The following GRID1 variants were observed in gnomAD, a reference collection of about 807,000 sequenced individuals.
The protein encoded by GRID1 is glutamate ionotropic receptor delta type subunit 1, also known as glutamate receptor ionotropic, delta-1.
A neutral mutation model predicts 98.0 loss-of-function variants in GRID1; 28 were observed. That is an observed-to-expected ratio of 0.29 (90% CI 0.21 to 0.39). GRID1 has a LOEUF of 0.39. Ranked by LOEUF, GRID1 falls within the 10% of genes least tolerant of loss-of-function variation. The probability of loss-of-function intolerance (pLI) is 1.00; values close to 1 mark genes in which losing one functional copy is unlikely to be tolerated. For synonymous variants in GRID1, 553 were observed against 538.5 expected (o/e 1.03, Z -0.37); for missense variants, 1,111 against 1,340.5 (o/e 0.83, Z 2.67).
Position 85,990,522 on chromosome 10 carries a change from C to T in GRID1, c.727-74283G>A, listed in dbSNP as rs1013477492. ...AACATAGAAAACAAATCATGAGAGA[C>T]GACAGCCTTTCAACCGAGGTGCCCT... On this transcript the variant is annotated intron_variant, in intron 4 of 15. Transcript: ENST00000327946. Among the ~76,000 whole-genome samples, 14 of 152,198 alleles carry T rather than the reference C, an allele frequency of 9.2e-5. No homozygotes were observed. The South Asian group carries it at 1.0e-3, about 11-fold the overall frequency.
intron 12 of GRID1, among the ~76,000 whole-genome samples, chr10:85,686,206 T>A (rs940852505): frequency 2.6e-4 from 39 of 151,426 alleles, no homozygotes; most frequent in Non-Finnish European, 4.1e-4. Flanking sequence ...CCAGAAGGAG[T>A]CTCAGTTACA....
chr10:85,856,595 A>C (rs1261489809), intron 6 of GRID1, among the ~76,000 whole-genome samples: 1 of 152,216 alleles, frequency 6.6e-6, no homozygotes, highest in Non-Finnish European at 1.5e-5. Context: ...GTGTCAAGAG[A>C]CAGGGCCAGG....
intron 4 of GRID1, among the ~76,000 whole-genome samples, chr10:86,052,105 T>G (rs1469080243): frequency 2.0e-5 from 3 of 152,130 alleles, no homozygotes; most frequent in African/African-American, 7.2e-5. Context: ...ACTGTGCACC[T>G]GAGAAAAATA....
intron 12 of GRID1, among the ~76,000 whole-genome samples, chr10:85,671,335 C>A (rs1841082635): frequency 6.6e-6 from 1 of 152,212 alleles, no homozygotes; most frequent in Admixed American, 6.5e-5. Context: ...CTTCATGTCT[C>A]CATCACATTT....
intron 4 of GRID1, among the ~76,000 whole-genome samples, chr10:86,045,713 C>T (rs1405171340): frequency 6.6e-6 from 1 of 152,140 alleles, no homozygotes; most frequent in African/African-American, 2.4e-5. Flanking sequence ...ATACTCCATC[C>T]AGCAAATCTT....
At chr10:85,778,833 C>T (rs186823496) in intron 8 of GRID1, among the ~76,000 whole-genome samples, 19 of 152,244 alleles carry the variant, frequency 1.2e-4, no homozygotes, top group African/African-American at 4.6e-4. Context: ...CTGTGGGATC[C>T]TGGGTGAGCT....
At chr10:86,086,114 C>G (rs1452834261) in intron 4 of GRID1, among the ~76,000 whole-genome samples, 1 of 152,096 alleles carries the variant, frequency 6.6e-6, no homozygotes, top group East Asian at 1.9e-4. Flanking sequence ...AAATCACCAC[C>G]CCCAAGAAGC....
chr10:85,836,329 T>C (rs746240290), intron 8 of GRID1, among the ~76,000 whole-genome samples: 1 of 152,056 alleles, frequency 6.6e-6, no homozygotes, highest in Non-Finnish European at 1.5e-5. Flanking sequence ...TGGTATGCTT[T>C]TAACAGATCT....
At chr10:86,244,055 C>T (rs2814344) in intron 2 of GRID1, among the ~76,000 whole-genome samples, 141,438 of 152,328 alleles carry the variant, frequency 0.93, 66,290 homozygotes, top group African/African-American at 0.96. Flanking sequence ...CACATATACA[C>T]AGGCATGCAA....
At chr10:85,703,467 A>G (rs931105613) in intron 12 of GRID1, among the ~76,000 whole-genome samples, 4 of 152,074 alleles carry the variant, frequency 2.6e-5, no homozygotes, top group African/African-American at 9.6e-5. Context: ...TGTTAAGAAG[A>G]AAAAAGGAAA....
At chr10:86,280,771 C>G (rs1488568433) in intron 2 of GRID1, among the ~76,000 whole-genome samples, 1 of 152,192 alleles carries the variant, frequency 6.6e-6, no homozygotes, top group Admixed American at 6.5e-5. Context: ...TTCACTGCTC[C>G]CCATACCTCC....
At chr10:85,847,598 A>G (rs1252639065) in intron 8 of GRID1, among the ~76,000 whole-genome samples, 1 of 152,228 alleles carries the variant, frequency 6.6e-6, no homozygotes, top group Non-Finnish European at 1.5e-5. Context: ...GTCAATAGGG[A>G]AATGAAGGTC....
chr10:85,629,700 T>C (rs1341814630), intron 13 of GRID1, among the ~76,000 whole-genome samples: 5 of 152,206 alleles, frequency 3.3e-5, no homozygotes, highest in Admixed American at 2.6e-4. Context: ...ACTACAGTTA[T>C]CTTTTTGATA....
intron 4 of GRID1, among the ~76,000 whole-genome samples, chr10:86,023,790 CCTCT>C (rs1843080964): frequency 6.6e-6 from 1 of 152,156 alleles, no homozygotes; most frequent in African/African-American, 2.4e-5. Context: ...TGGTCTCCTA[CCTCT>C]CTAAGTTCAA....
intron 4 of GRID1, among the ~76,000 whole-genome samples, chr10:86,096,921 C>T (rs779728162): frequency 8.5e-5 from 13 of 152,186 alleles, no homozygotes; most frequent in Non-Finnish European, 1.6e-4. Context: ...CACCACTTAC[C>T]ATTACCCCAA....
rs1841194148 is a variant in GRID1, at chr10:85,891,071, T to C, written c.781-21891A>G. ...TGCCTGTTGCAAACCACTTTAATTA[T>C]TTTGTTTGCAATACCTATTTGTTTA... On this transcript the variant is annotated intron_variant, in intron 5 of 15. Transcript: ENST00000327946. Among the ~76,000 whole-genome samples the C allele has an allele frequency of 3.3e-5, 5 of 152,166 alleles. No individual in the cohort carries two copies. The South Asian group carries it at 1.0e-3, about 32-fold the overall frequency.
intron 2 of GRID1, among the ~76,000 whole-genome samples, chr10:86,243,469 G>A (rs1846669865): frequency 6.6e-6 from 1 of 152,080 alleles, no homozygotes; most frequent in Admixed American, 6.5e-5. Context: ...AGATGCCAAT[G>A]GGAACTCAGC....
intron 15 of GRID1, among the ~76,000 whole-genome samples, chr10:85,612,747 A>G (rs1842748032): frequency 6.6e-6 from 1 of 151,716 alleles, no homozygotes; most frequent in African/African-American, 2.4e-5. Flanking sequence ...AAAAAAAAAA[A>G]TTTAAAAAAG....
intron 2 of GRID1, among the ~76,000 whole-genome samples, chr10:86,324,240 A>G (rs1028357406): frequency 2.0e-5 from 3 of 152,180 alleles, no homozygotes; most frequent in African/African-American, 7.2e-5. Flanking sequence ...AGCTGGCCTC[A>G]TGTTAGGTAG....
Sources: allele counts gnomAD v4.1 joint callset (sites outside exome capture counted in the v4.1 genomes callset), GRCh38; gene constraint gnomAD v4.1.1; transcripts MANE v1.5; gene names NCBI Gene and HGNC (gene_info 2026-07-23, HGNC 2026-07-21).